PCDHGA9: variants seen among roughly 807,000 people sequenced by gnomAD.
The protein encoded by PCDHGA9 is protocadherin gamma-A9.
A neutral mutation model predicts 62.5 loss-of-function variants in PCDHGA9; 37 were observed. The ratio of observed to expected loss-of-function variants is 0.59; its 90% confidence interval spans 0.46 to 0.78. PCDHGA9 has a LOEUF of 0.78. PCDHGA9 is among the 30% of genes least tolerant of loss of function. The pLI, the probability that PCDHGA9 is intolerant of heterozygous loss-of-function variation, is 0.00. For missense variants in PCDHGA9, 1,138 were observed against 1,166.2 expected (o/e 0.98, Z 0.35); for synonymous variants, 459 against 484.6 (o/e 0.95, Z 0.69).
At chr5:141,428,095 A>G (rs1361784967) in intron 1 of PCDHGA9, 1 of 1,608,848 alleles carries the variant, frequency 6.2e-7, no homozygotes, top group East Asian at 2.2e-5. Flanking sequence ...TGGCTGTCCT[A>G]CCACGTGCTG....
At chr5:141,478,161 C>T (rs201111122) in intron 1 of PCDHGA9, 20 of 1,613,852 alleles carry the variant, frequency 1.2e-5, no homozygotes, top group Admixed American at 3.3e-5. Context: ...TCTGGCTCTG[C>T]CCCCCGGGAG....
At chr5:141,415,015 A>C (rs2095814085) in intron 1 of PCDHGA9, 1 of 1,613,598 alleles carries the variant, frequency 6.2e-7, no homozygotes, top group East Asian at 2.2e-5. Flanking sequence ...CCGTCTGCTC[A>C]AGGCCAGCGA....
At chr5:141,452,076 G>A (rs978382005) in intron 1 of PCDHGA9, among the ~76,000 whole-genome samples, 3 of 152,092 alleles carry the variant, frequency 2.0e-5, no homozygotes, top group Non-Finnish European at 2.9e-5. Flanking sequence ...TTATTAGTTG[G>A]CATTATACAG....
Position 141,489,173 on chromosome 5 carries a change from C to T in PCDHGA9, c.2425-5634C>T. 8.3e-7 allele frequency: 1 copy of T among 1,208,434 alleles called. No individual in the cohort carries two copies. Among genetic ancestry groups the T allele is most frequent in the Non-Finnish European group, 1.2e-6 (1 of 860,944 alleles). The allele number at this position is 1,208,434 out of a possible 1,614,324, so 74.9% of individuals were successfully genotyped here. ...CATAAGAGACTTCAGCTGCTGCATTCCAAGCCCTGGGTCTACCTTGGAGAC... is the reference window on the plus strand; with the variant it reads ...CATAAGAGACTTCAGCTGCTGCATTTCAAGCCCTGGGTCTACCTTGGAGAC... On this transcript the variant is annotated intron_variant, in intron 1 of 3. Coordinates refer to ENST00000573521, the MANE Select transcript of PCDHGA9 (RefSeq NM_018921.3). The surrounding 1 kb of genome is among the most constrained non-coding windows in gnomAD (Gnocchi z 4.5).
chr5:141,461,167 C>T (rs917796588), intron 1 of PCDHGA9, among the ~76,000 whole-genome samples: 2 of 151,968 alleles, frequency 1.3e-5, no homozygotes, highest in Non-Finnish European at 2.9e-5. Context: ...AGTGGGATTG[C>T]TGGATTGAAT....
At chr5:141,494,759 C>G (rs776923097) in intron 1 of PCDHGA9, 48 bp from the exon 2 acceptor site, 2 of 1,613,886 alleles carry the variant, frequency 1.2e-6, no homozygotes, top group Middle Eastern at 1.6e-4. Flanking sequence ...GGGTGACATT[C>G]TAACTTCTCA....
chr5:141,484,591 T>C (rs2099597977), intron 1 of PCDHGA9, among the ~76,000 whole-genome samples: 1 of 152,020 alleles, frequency 6.6e-6, no homozygotes, highest in African/African-American at 2.4e-5. Flanking sequence ...AAGCTACTCA[T>C]TTAGAATACT....
Position 141,478,507 on chromosome 5 carries a change from T to C in PCDHGA9, c.2425-16300T>C, listed in dbSNP as rs781120326. The C allele has an allele frequency of 4.3e-6, 7 of 1,612,048 alleles. No homozygotes were observed. In the East Asian group the frequency reaches 1.3e-4, roughly 31 times the overall value. On this transcript the variant is annotated intron_variant, in intron 1 of 3. Transcript: ENST00000573521. The stretch of plus-strand genomic sequence containing the variant: ...TGCGGAGCTGTGATCCGGTGTTCTA[T>C]AGGCAGGTGTTGGGTGCAGAGAGCG...
At chr5:141,420,672 G>T (rs1478670282) in intron 1 of PCDHGA9, among the ~76,000 whole-genome samples, 1 of 152,296 alleles carries the variant, frequency 6.6e-6, no homozygotes, top group African/African-American at 2.4e-5. Flanking sequence ...CCTACCTGAT[G>T]ATTTTATCGG....
intron 1 of PCDHGA9, chr5:141,417,729 G>T (rs1175282861): frequency 1.6e-5 from 22 of 1,376,276 alleles, no homozygotes; most frequent in African/African-American, 8.8e-5. Context: ...CGCAGACCTT[G>T]CCCAGCACAC....
intron 2 of PCDHGA9, among the ~76,000 whole-genome samples, chr5:141,499,352 CA>C (rs2099791418): frequency 6.6e-6 from 1 of 152,058 alleles, no homozygotes; most frequent in South Asian, 2.1e-4. Context: ...AGTCATTCAA[CA>C]AACAAATAGC....
At chr5:141,418,484 C>T (rs771278923) in intron 1 of PCDHGA9, 1 of 1,613,878 alleles carries the variant, frequency 6.2e-7, no homozygotes, top group East Asian at 2.2e-5. Flanking sequence ...GAGCGCTCAC[C>T]ACTTGGTACT....
intron 2 of PCDHGA9, among the ~76,000 whole-genome samples, chr5:141,502,866 C>CTTTTT (rs549047197): frequency 1.6e-5 from 2 of 128,044 alleles, no homozygotes; most frequent in Non-Finnish European, 1.6e-5. Flanking sequence ...GACTCTCTGT[C>CTTTTT]TTTTTTTTTT....
chr5:141,434,924 A>G (rs2097731722), intron 1 of PCDHGA9, among the ~76,000 whole-genome samples: 1 of 151,756 alleles, frequency 6.6e-6, no homozygotes, highest in African/African-American at 2.4e-5. Context: ...ATGTACATAT[A>G]TTTTATATAA....
chr5:141,478,767 C>T (rs953695562), intron 1 of PCDHGA9: 44 of 1,500,650 alleles, frequency 2.9e-5, no homozygotes, highest in Non-Finnish European at 3.9e-5. Context: ...ATACTTGACT[C>T]ATCTGTGGAC....
At position 141,490,819 on chromosome 5, in the gene PCDHGA9, C is replaced by T; in HGVS notation, c.2425-3988C>T. Reference sequence around the variant, plus strand: ...CCAGCGTACCTTTGACTATGAATTGCTGCAGATGCTGCAGATTGTGGTGGG... The same window carrying T: ...CCAGCGTACCTTTGACTATGAATTGTTGCAGATGCTGCAGATTGTGGTGGG... On this transcript the variant is annotated intron_variant, in intron 1 of 3. Transcript: ENST00000573521. This position sits in a 1 kb window ranked among gnomAD's most constrained non-coding sequence, Gnocchi z 5.4. 2 of 1,613,842 alleles carry T rather than the reference C, an allele frequency of 1.2e-6. No individual in the cohort carries two copies. Among genetic ancestry groups the T allele is most frequent in the Non-Finnish European group, 8.5e-7 (1 of 1,179,804 alleles).
chr5:141,448,948 AAAAC>A (rs1237948751), intron 1 of PCDHGA9, among the ~76,000 whole-genome samples: 14 of 152,170 alleles, frequency 9.2e-5, no homozygotes, highest in African/African-American at 9.7e-5. Flanking sequence ...GCAACTCAAA[AAAAC>A]AAACAAACAA....
chr5:141,421,869 A>G lies in PCDHGA9; in HGVS notation c.2424+16493A>G, dbSNP rs200015978. 1.5e-5 allele frequency: 24 copies of G among 1,613,732 alleles called. No individual in the cohort carries two copies. The African/African-American group carries it at 3.1e-4, about 21-fold the overall frequency. ...AGGCTGCTCACCTGCTCCTCCTCAC[A>G]GCTTTAGATGGAGGCGATCCCATCC... On this transcript the variant is annotated intron_variant, in intron 1 of 3. Transcript: ENST00000573521.
rs556183945 is a variant in PCDHGA9 at position 141,404,478 on chromosome 5, C to G, written c.1526C>G (p.Ser509Ter). The change falls in exon 1 of 4, where the codon TCA becomes TGA. Residue 509 changes from serine to a stop codon, truncating the protein, a stop_gained. Coordinates refer to ENST00000573521, the MANE Select transcript of PCDHGA9 (RefSeq NM_018921.3). LOFTEE classifies it high-confidence loss of function. ...SPLSTYVSINSDTGVLYALCS... is the reference protein window; with the variant it reads ...SPLSTYVSIN ...CTCTCCACCTATGTCTCTATTAACT[C>G]AGACACTGGTGTGCTGTATGCTCTG... 36 of 1,613,412 alleles carry G rather than the reference C, an allele frequency of 2.2e-5. No homozygotes were observed. In the South Asian group the frequency reaches 3.6e-4, roughly 16 times the overall value.
Sources: allele counts gnomAD v4.1 joint callset (sites outside exome capture counted in the v4.1 genomes callset), GRCh38; gene constraint gnomAD v4.1.1; non-coding constraint Gnocchi (gnomAD v3.1); transcripts MANE v1.5; gene names NCBI Gene and HGNC (gene_info 2026-07-23, HGNC 2026-07-21).